Variants in ANKRD45 observed in about 807,000 individuals in gnomAD.
ANKRD45 encodes the protein ankyrin repeat domain-containing protein 45.
A neutral mutation model predicts 28.1 loss-of-function variants in ANKRD45; 21 were observed. That is an observed-to-expected ratio of 0.75 (90% CI 0.53 to 1.08). ANKRD45 has a LOEUF of 1.08. ANKRD45 is among the 50% of genes least tolerant of loss of function. The pLI is 0.00. For synonymous variants in ANKRD45, 86 were observed against 103.9 expected, an observed-to-expected ratio of 0.83 and a Z score of 1.05; for missense variants, 261 against 308.7, an observed-to-expected ratio of 0.85 and a Z score of 1.16.
chr1:173,636,736 AATTT>A (rs1174764486), intron 3 of ANKRD45: 45 of 909,648 alleles, frequency 4.9e-5, no homozygotes, highest in Non-Finnish European at 6.9e-5. Flanking sequence ...TTAGAACATA[AATTT>A]AATTTGAACT....
the ANKRD45 span, among the ~76,000 whole-genome samples, chr1:173,683,431 A>AG: frequency 6.6e-6 from 1 of 151,844 alleles, no homozygotes; most frequent in African/African-American, 2.4e-5. Flanking sequence ...GTAAAACTCC[A>AG]AAACAACAAC....
At chr1:173,651,594 A>G (rs1032330857) in intron 2 of ANKRD45, among the ~76,000 whole-genome samples, 2 of 152,188 alleles carry the variant, frequency 1.3e-5, no homozygotes, top group African/African-American at 4.8e-5. Flanking sequence ...TTTTGGTTCC[A>G]TATGAACTTT....
intron 2 of ANKRD45, among the ~76,000 whole-genome samples, chr1:173,650,515 G>A (rs1034886073): frequency 6.6e-6 from 1 of 152,128 alleles, no homozygotes; most frequent in Non-Finnish European, 1.5e-5. Context: ...TGGGCACTTG[G>A]GTTGGTTCCA....
At chr1:173,656,962 C>G (rs1328652151) in intron 2 of ANKRD45, among the ~76,000 whole-genome samples, 2 of 147,404 alleles carry the variant, frequency 1.4e-5, no homozygotes, top group African/African-American at 5.0e-5. Flanking sequence ...GAAGGAAGAG[C>G]ATTGCTTGAG....
In ANKRD45 at chr1:173,610,231, T is replaced by C. The variant is rs1667085164; in HGVS notation, c.731-16A>G. 6.2e-7 allele frequency: 1 copy of C among 1,610,412 alleles called. No individual in the cohort carries two copies. The highest frequency in any genetic ancestry group is 1.7e-5 in the Admixed American group (1 of 59,920). On this transcript the variant is annotated splice_polypyrimidine_tract_variant and intron_variant, in intron 5 of 5. Coordinates refer to ENST00000333279, the MANE Select transcript of ANKRD45 (RefSeq NM_198493.3). ...TTCACTTGACCTGAAAGGAAACAGATTTTAAAATTACATTTAATTAGTTTG... is the reference window on the plus strand; with the variant it reads ...TTCACTTGACCTGAAAGGAAACAGACTTTAAAATTACATTTAATTAGTTTG...
At chr1:173,617,286 C>T (rs1051808197) in intron 5 of ANKRD45, among the ~76,000 whole-genome samples, 3 of 152,226 alleles carry the variant, frequency 2.0e-5, no homozygotes, top group African/African-American at 7.2e-5. Context: ...GTGGGCCCCA[C>T]TTCCACGGCA....
At chr1:173,706,911 T>C in the ANKRD45 span, among the ~76,000 whole-genome samples, 1 of 152,294 alleles carries the variant, frequency 6.6e-6, no homozygotes, top group East Asian at 1.9e-4. Context: ...TGGTCACAAA[T>C]GAGTGCATTC....
upstream of ANKRD45, among the ~76,000 whole-genome samples, chr1:173,670,085 C>T (rs536910963): frequency 1.1e-3 from 167 of 152,258 alleles, no homozygotes; most frequent in Non-Finnish European, 2.0e-3. Context: ...GTTGGCCTGT[C>T]TTTGGCTTTT....
chr1:173,713,812 C>T, the ANKRD45 span, among the ~76,000 whole-genome samples: 1 of 152,050 alleles, frequency 6.6e-6, no homozygotes, highest in Non-Finnish European at 1.5e-5. Context: ...TGAAAAGAAA[C>T]CTAGCCCCCA....
At chr1:173,686,034 A>G in the ANKRD45 span, among the ~76,000 whole-genome samples, 1 of 152,160 alleles carries the variant, frequency 6.6e-6, no homozygotes, top group Admixed American at 6.5e-5. Flanking sequence ...AAAGCTCTAC[A>G]TCAGGGAGCA....
At chr1:173,706,823 A>G in the ANKRD45 span, among the ~76,000 whole-genome samples, 1 of 152,166 alleles carries the variant, frequency 6.6e-6, no homozygotes, top group Non-Finnish European at 1.5e-5. Context: ...AGGATAATGG[A>G]AAAAGGTCAA....
At chr1:173,708,654 G>A in the ANKRD45 span, among the ~76,000 whole-genome samples, 1 of 152,316 alleles carries the variant, frequency 6.6e-6, no homozygotes, top group East Asian at 1.9e-4. Flanking sequence ...TTATCTTTAT[G>A]AAATTGAGTC....
intron 5 of ANKRD45, among the ~76,000 whole-genome samples, chr1:173,613,342 C>T (rs562553933): frequency 6.0e-5 from 9 of 150,848 alleles, no homozygotes; most frequent in Non-Finnish European, 1.5e-5. Context: ...AAGCGAGGAG[C>T]CCCTCCGCCC....
chr1:173,673,356 A>G (rs909368283), upstream of ANKRD45, among the ~76,000 whole-genome samples: 3 of 151,818 alleles, frequency 2.0e-5, no homozygotes, highest in Admixed American at 6.6e-5. Context: ...CAGGTGATCC[A>G]CCCGCCTTGG....
chr1:173,620,417 A>G (rs557785203), intron 5 of ANKRD45, among the ~76,000 whole-genome samples: 2 of 152,346 alleles, frequency 1.3e-5, no homozygotes, highest in East Asian at 3.9e-4. Context: ...GAACAAAGAG[A>G]CAATGTACCA....
Position 173,659,315 on chromosome 1 carries a change from G to A in ANKRD45, c.104C>T (p.Pro35Leu), listed in dbSNP as rs1347034209. The part of the protein sequence containing the change: ...EEAQEPEETG[P>L]KNPLLQPALT... ...AGCAGGTTGTAAAAGGGGGTTCTTA[G>A]GGCCTGTTTCCTCTGGTTCTTGGGC... is the stretch of plus-strand genomic sequence containing the variant. Residue 35 changes from proline to leucine, a missense_variant, in exon 2 of 6, where the codon CCT becomes CTT. Coordinates refer to ENST00000333279, the MANE Select transcript of ANKRD45 (RefSeq NM_198493.3). 1 of 1,613,456 alleles carries A rather than the reference G, an allele frequency of 6.2e-7. No individual in the cohort carries two copies. The highest frequency in any genetic ancestry group is 1.1e-5 in the South Asian group (1 of 91,010).
upstream of ANKRD45, among the ~76,000 whole-genome samples, chr1:173,673,229 G>A (rs1367039457): frequency 6.6e-6 from 1 of 151,400 alleles, no homozygotes; most frequent in Non-Finnish European, 1.5e-5. Context: ...TCCGGCCTCA[G>A]CCTCCCAAGT....
At chr1:173,709,988 A>G in the ANKRD45 span, among the ~76,000 whole-genome samples, 13 of 152,146 alleles carry the variant, frequency 8.5e-5, no homozygotes, top group African/African-American at 3.1e-4. Flanking sequence ...TAAACAACTA[A>G]TTATGTAATT....
At chr1:173,676,794 T>C in the ANKRD45 span, among the ~76,000 whole-genome samples, 1 of 135,978 alleles carries the variant, frequency 7.4e-6, no homozygotes, top group African/African-American at 2.9e-5. Context: ...ATTAGAATTA[T>C]AGGAGTTTTC....
Sources: allele counts gnomAD v4.1 joint callset (sites outside exome capture counted in the v4.1 genomes callset), GRCh38; gene constraint gnomAD v4.1.1; transcripts MANE v1.5; gene names NCBI Gene and HGNC (gene_info 2026-07-23, HGNC 2026-07-21).